Variants in KDM2B observed in about 807,000 individuals in gnomAD.
KDM2B encodes the protein lysine-specific demethylase 2B.
Under a neutral mutation model 150.0 loss-of-function variants are expected in KDM2B, and 26 were observed. The observed-to-expected ratio is 0.17, with a 90% CI of 0.13 to 0.24. KDM2B has a LOEUF of 0.24. KDM2B is among the 10% of genes least tolerant of loss of function. KDM2B has a pLI of 1.00. For synonymous variants in KDM2B, 734 were observed against 729.5 expected (o/e 1.01, Z -0.10); for missense variants, 1,265 against 1,816.9 (o/e 0.70, Z 5.52).
chr12:121,528,770 G>A (rs1175918989), intron 8 of KDM2B, among the ~76,000 whole-genome samples: 1 of 152,138 alleles, frequency 6.6e-6, no homozygotes, highest in Non-Finnish European at 1.5e-5. Context: ...GCACATGCCT[G>A]TAATCCCAGC....
intron 6 of KDM2B, 82 bp downstream of exon 6, chr12:121,548,795 A>G: frequency 2.0e-6 from 2 of 1,008,836 alleles, no homozygotes; most frequent in Non-Finnish European, 3.1e-6. Context: ...ACTGATGGCC[A>G]GGAGCCTCCT....
chr12:121,495,630 G>A (rs1457851068), intron 11 of KDM2B, among the ~76,000 whole-genome samples: 4 of 152,134 alleles, frequency 2.6e-5, no homozygotes, highest in Admixed American at 2.0e-4. Context: ...GGGAGGGCTG[G>A]GCGGTGGCAC....
At chr12:121,576,494 C>G (rs1219368403) in intron 2 of KDM2B, among the ~76,000 whole-genome samples, 1 of 152,152 alleles carries the variant, frequency 6.6e-6, no homozygotes, top group Non-Finnish European at 1.5e-5. Flanking sequence ...CATCACAGTC[C>G]TTGCTTCAGC....
intron 2 of KDM2B, among the ~76,000 whole-genome samples, chr12:121,577,896 G>A (rs1443311667): frequency 6.6e-6 from 1 of 152,130 alleles, no homozygotes; most frequent in Admixed American, 6.6e-5. Context: ...AACCCAGGGC[G>A]TCACCTTAAC....
chr12:121,493,059 CTTTTTTTTTTT>C (rs61628112), intron 12 of KDM2B, among the ~76,000 whole-genome samples: 2 of 54,080 alleles, frequency 3.7e-5, no homozygotes, highest in African/African-American at 2.4e-4. Context: ...TCATGCCTGG[CTTTTTTTTTTT>C]TTTTTTTTTT....
the KDM2B span, among the ~76,000 whole-genome samples, chr12:121,413,400 A>G: frequency 7.2e-6 from 1 of 139,292 alleles, no homozygotes; most frequent in African/African-American, 2.8e-5. Context: ...ATGGACTGTT[A>G]TAATTTTACC....
At chr12:121,559,244 A>G (rs1181698957) in intron 4 of KDM2B, among the ~76,000 whole-genome samples, 1 of 151,986 alleles carries the variant, frequency 6.6e-6, no homozygotes, top group Non-Finnish European at 1.5e-5. Context: ...TTAGGAGCAG[A>G]AGGTCGGGAG....
At chr12:121,569,105 G>T (rs1213041497) in intron 4 of KDM2B, among the ~76,000 whole-genome samples, 2 of 152,220 alleles carry the variant, frequency 1.3e-5, no homozygotes, top group African/African-American at 4.8e-5. Context: ...GGGAGGGCTG[G>T]CCCAACCTTC....
At chr12:121,439,380 CTTTTTT>C (rs530764831) in intron 22 of KDM2B, among the ~76,000 whole-genome samples, 3 of 129,572 alleles carry the variant, frequency 2.3e-5, no homozygotes, top group South Asian at 2.5e-4. Context: ...CCAATGGTAA[CTTTTTT>C]TTTTTTTTTT....
chr12:121,437,637 G>C (rs956347061), intron 22 of KDM2B, among the ~76,000 whole-genome samples: 1 of 152,204 alleles, frequency 6.6e-6, no homozygotes, highest in Non-Finnish European at 1.5e-5. Flanking sequence ...AGTGAGGATG[G>C]GGTAAAGGGA....
At chr12:121,545,499 T>C (rs1299168263) in intron 6 of KDM2B, among the ~76,000 whole-genome samples, 1 of 152,178 alleles carries the variant, frequency 6.6e-6, no homozygotes, top group Non-Finnish European at 1.5e-5. Flanking sequence ...TTCAATAAAG[T>C]GCAGAATATG....
intron 4 of KDM2B, among the ~76,000 whole-genome samples, chr12:121,573,403 C>T (rs1269408416): frequency 4.6e-5 from 7 of 151,726 alleles, no homozygotes; most frequent in Admixed American, 1.3e-4. Flanking sequence ...TCACCTCGGC[C>T]TCCAGAGTAG....
At chr12:121,580,732 T>G in intron 1 of KDM2B, 54 bp downstream of exon 1, 1 of 1,576,330 alleles carries the variant, frequency 6.3e-7, no homozygotes, top group Non-Finnish European at 8.6e-7. Flanking sequence ...CTGCCCTCAT[T>G]GCCCAGGGCT....
At chr12:121,550,564 G>A (rs1889409382) in intron 4 of KDM2B, among the ~76,000 whole-genome samples, 1 of 151,624 alleles carries the variant, frequency 6.6e-6, no homozygotes, top group South Asian at 2.1e-4. Flanking sequence ...CACAATCTCG[G>A]CTCACTGCAA....
chr12:121,490,880 C>T (rs1555299789), intron 12 of KDM2B, among the ~76,000 whole-genome samples: 1 of 152,166 alleles, frequency 6.6e-6, no homozygotes, highest in East Asian at 1.9e-4. Flanking sequence ...CTAATCATCA[C>T]TTAGCATTAA....
At chr12:121,573,862 C>T (rs1315258973) in intron 4 of KDM2B, among the ~76,000 whole-genome samples, 3 of 152,176 alleles carry the variant, frequency 2.0e-5, no homozygotes, top group Non-Finnish European at 4.4e-5. Context: ...GCTGGGATTA[C>T]AGGTGTGAGC....
intron 4 of KDM2B, among the ~76,000 whole-genome samples, chr12:121,561,890 G>T (rs1890362402): frequency 6.6e-6 from 1 of 152,224 alleles, no homozygotes; most frequent in Non-Finnish European, 1.5e-5. Flanking sequence ...ACCAACTTTA[G>T]GCCGGGAGCG....
At chr12:121,444,752 T>A in intron 14 of KDM2B, 1 of 588,508 alleles carries the variant, frequency 1.7e-6, no homozygotes, top group Non-Finnish European at 3.0e-6. Context: ...CCCCTTTGCT[T>A]CTCTGGGACC....
intron 8 of KDM2B, among the ~76,000 whole-genome samples, chr12:121,526,148 T>C (rs1467412275): frequency 1.3e-5 from 2 of 152,112 alleles, no homozygotes; most frequent in Admixed American, 1.3e-4. Flanking sequence ...AGTCAGGAGT[T>C]TGAAACCAGC....
Sources: gnomAD v4.1 joint callset for allele counts (sites outside exome capture counted in the v4.1 genomes callset) on GRCh38, gnomAD v4.1.1 for gene constraint, MANE v1.5 for transcripts, NCBI Gene and HGNC (gene_info 2026-07-23, HGNC 2026-07-21) for gene names.